KCTD19: variants seen among roughly 807,000 people sequenced by gnomAD.
The protein encoded by KCTD19 is BTB/POZ domain-containing protein KCTD19.
Under a neutral mutation model 103.5 loss-of-function variants are expected in KCTD19, and 67 were observed. That is an observed-to-expected ratio of 0.65 (90% CI 0.53 to 0.79). KCTD19 has a LOEUF of 0.79. Among genes scored for constraint, KCTD19 ranks in the 30% least tolerant of loss-of-function variants. The probability of loss-of-function intolerance (pLI) is 0.00; values close to 1 mark genes in which losing one functional copy is unlikely to be tolerated. For missense variants in KCTD19, 980 were observed against 1,136.1 expected, an observed-to-expected ratio of 0.86 and a Z score of 1.98; for synonymous variants, 439 against 452.2, an observed-to-expected ratio of 0.97 and a Z score of 0.37.
intron 7 of KCTD19, among the ~76,000 whole-genome samples, chr16:67,297,201 G>T (rs991506399): frequency 1.3e-5 from 2 of 152,176 alleles, no homozygotes; most frequent in African/African-American, 4.8e-5. Context: ...GCTCCTCCCT[G>T]CATGGCTGTG....
chr16:67,294,536 G>T, intron 11 of KCTD19, 44 bp downstream of exon 11: 1 of 1,367,080 alleles, frequency 7.3e-7, no homozygotes, highest in Non-Finnish European at 1.0e-6. Flanking sequence ...CCCGGTGGTA[G>T]TGGTTTTTGA....
In KCTD19 at chr16:67,291,695, C is replaced by A. The variant is rs1254811202; in HGVS notation, c.2361G>T (p.Glu787Asp). ...GTGTTGTGTGCCTGAGGTTGTCCAT[C>A]TCCGTGGTATAGATGATGCTGTCCT... is the stretch of plus-strand genomic sequence containing the variant. ...FFEDSIIYTT[E>D]MDNLRHTTPT... The change falls in exon 13 of 16, where the codon GAG (glutamate) becomes GAT (aspartate). Residue 787 changes from glutamate to aspartate, a missense_variant. Transcript: ENST00000304372. 6.2e-7 allele frequency: 1 copy of A among 1,614,038 alleles called. No individual in the cohort carries two copies. Among genetic ancestry groups the A allele is most frequent in the Non-Finnish European group, 8.5e-7 (1 of 1,180,036 alleles).
Position 67,291,705 on chromosome 16 carries a change from T to C in KCTD19, c.2351A>G (p.Tyr784Cys), listed in dbSNP as rs775203670. 6.2e-7 allele frequency: 1 copy of C among 1,614,046 alleles called. No homozygotes were observed. Among genetic ancestry groups the C allele is most frequent in the Non-Finnish European group, 8.5e-7 (1 of 1,180,000 alleles). ...CCTGAGGTTGTCCATCTCCGTGGTA[T>C]AGATGATGCTGTCCTCAAAGAACAT... ...FCMFFEDSIIYTTEMDNLRHT... is the reference protein window; with the variant it reads ...FCMFFEDSIICTTEMDNLRHT... The change falls in exon 13 of 16, where the codon TAT becomes TGT. Residue 784 changes from tyrosine to cysteine, a missense_variant. By Grantham distance (194) the Tyr-to-Cys change is radical. Transcript: ENST00000304372.
Position 67,300,203 on chromosome 16 carries a change from A to G in KCTD19, c.776-630T>C, listed in dbSNP as rs937783884. On this transcript the variant is annotated intron_variant, in intron 5 of 15. Coordinates refer to ENST00000304372, the MANE Select transcript of KCTD19 (RefSeq NM_001100915.3). The surrounding 1 kb of genome is among the most constrained non-coding windows in gnomAD (Gnocchi z 4.5). Reference sequence around the variant, plus strand: ...CACTGCTGGGGGATGTTCGTGGATCATCTCCAATCCTCAGAGCAACCCTGC... The same window carrying G: ...CACTGCTGGGGGATGTTCGTGGATCGTCTCCAATCCTCAGAGCAACCCTGC... 6.6e-6 allele frequency: 1 copy of G among 152,402 alleles called. No individual in the cohort carries two copies. The highest frequency in any genetic ancestry group is 2.4e-5 in the African/African-American group (1 of 41,460). The allele number at this position is 152,402 out of a possible 1,614,324, so 9.4% of individuals were successfully genotyped here.
At chr16:67,308,509 C>T (rs1041634139) in intron 2 of KCTD19, among the ~76,000 whole-genome samples, 1 of 152,036 alleles carries the variant, frequency 6.6e-6, no homozygotes, top group Non-Finnish European at 1.5e-5. Context: ...TTTATGTTTA[C>T]ACCCCATCAT....
chr16:67,314,818 TATATATATATATAGAG>T lies in KCTD19; in HGVS notation c.300+5755_300+5770del, dbSNP rs1327725734. ...TTAGCATTATATATATATATATATATATATATATATATAGAGAGAGAGAGAGAGAGAGAGAGAGAGA... is the reference window on the plus strand; with the variant it reads ...TTAGCATTATATATATATATATATATAGAGAGAGAGAGAGAGAGAGAGAGA... On this transcript the variant is annotated intron_variant, in intron 2 of 15. Transcript: ENST00000304372. Among the ~76,000 whole-genome samples, 136 of 99,142 alleles carry T rather than the reference TATATATATATATAGAG, an allele frequency of 1.4e-3. 1 individual carries two copies. Among genetic ancestry groups the T allele is most frequent in the East Asian group, 3.7e-3 (14 of 3,830 alleles). The allele number at this position is 99,142 out of a possible 152,430, so 65.0% of individuals were successfully genotyped here. A position where few individuals can be genotyped will look rare whatever the true frequency, so the allele number is the denominator to read the frequency against.
In KCTD19 at chr16:67,317,935, T is replaced by C. The variant is rs188022549; in HGVS notation, c.300+2654A>G. Among the ~76,000 whole-genome samples, 11 of 152,252 alleles carry C rather than the reference T, an allele frequency of 7.2e-5. No homozygotes were observed. In the East Asian group the frequency reaches 1.7e-3, roughly 24 times the overall value. On this transcript the variant is annotated intron_variant, in intron 2 of 15. Coordinates refer to ENST00000304372, the MANE Select transcript of KCTD19 (RefSeq NM_001100915.3). ...CAAACTCCAATTTCTCCAAGCAAAG[T>C]GTTTGCTCATTTAGTAAAAAAATCT...
chr16:67,315,698 T>A (rs2037005604), intron 2 of KCTD19, among the ~76,000 whole-genome samples: 2 of 152,082 alleles, frequency 1.3e-5, no homozygotes, highest in Non-Finnish European at 2.9e-5. Flanking sequence ...TCCAGGCTGG[T>A]CTCAAACTCC....
At position 67,293,193 on chromosome 16, in the gene KCTD19, G is replaced by A. The variant is rs1415474411; in HGVS notation, c.2218+351C>T. Among the ~76,000 whole-genome samples, 2 of 152,068 alleles carry A rather than the reference G, an allele frequency of 1.3e-5. No homozygotes were observed. The highest frequency in any genetic ancestry group is 2.9e-5 in the Non-Finnish European group (2 of 68,028). On this transcript the variant is annotated intron_variant, in intron 12 of 15. Coordinates refer to ENST00000304372, the MANE Select transcript of KCTD19 (RefSeq NM_001100915.3). This position sits in a 1 kb window ranked among gnomAD's most constrained non-coding sequence, Gnocchi z 4.0. ...TGTCTTCAGCCTCATCTTTTATCACGTCTGCATGTGAAGCCTGGCCTCCAG... is the reference window on the plus strand; with the variant it reads ...TGTCTTCAGCCTCATCTTTTATCACATCTGCATGTGAAGCCTGGCCTCCAG...
intron 2 of KCTD19, among the ~76,000 whole-genome samples, chr16:67,317,162 C>T (rs1014237254): frequency 3.3e-5 from 5 of 152,126 alleles, no homozygotes; most frequent in Admixed American, 2.0e-4. Flanking sequence ...CCACTAGCCA[C>T]GTATGGTTAT....
At position 67,303,309 on chromosome 16, in the gene KCTD19, G is replaced by A; in HGVS notation, c.480C>T (p.Leu160=). The A allele has an allele frequency of 1.2e-6, 2 of 1,613,708 alleles. No individual in the cohort carries two copies. The highest frequency in any genetic ancestry group is 1.7e-6 in the Non-Finnish European group (2 of 1,179,808). ...TGLHDKAPLG[L]MDTPLLDTEE... is the part of the protein sequence containing the mutation. ...CTGTGTCTAACAGGGGTGTGTCCAT[G>A]AGCCCCAGAGGTGCCTTATCATGTA... Residue 160 remains leucine (L), a synonymous_variant, in exon 4 of 16, where the codon CTC becomes CTT. Coordinates refer to ENST00000304372, the MANE Select transcript of KCTD19 (RefSeq NM_001100915.3). This position sits in a 1 kb window ranked among gnomAD's most constrained non-coding sequence, Gnocchi z 4.3.
At position 67,297,672 on chromosome 16, in the gene KCTD19, A is replaced by G. The variant is rs1473578715; in HGVS notation, c.987-9T>C. The G allele has an allele frequency of 1.9e-6, 3 of 1,613,004 alleles. No individual in the cohort carries two copies. Among genetic ancestry groups the G allele is most frequent in the Non-Finnish European group, 1.7e-6 (2 of 1,179,806 alleles). On this transcript the variant is annotated splice_polypyrimidine_tract_variant and intron_variant, in intron 6 of 15. Coordinates refer to ENST00000304372, the MANE Select transcript of KCTD19 (RefSeq NM_001100915.3). ...AAGTCCCCAGCCAGTTCCTGCCCAG[A>G]GGAAAGGTCTGTCATGAAGAACATC...
chr16:67,298,929 T>TG (rs2036800339), intron 6 of KCTD19, among the ~76,000 whole-genome samples: 1 of 152,220 alleles, frequency 6.6e-6, no homozygotes, highest in African/African-American at 2.4e-5. Context: ...TGGCCTGGCC[T>TG]GCCCTGCCCT....
chr16:67,294,789 T>C, intron 10 of KCTD19, 95 bp from the exon 11 acceptor site: 2 of 1,029,278 alleles, frequency 1.9e-6, no homozygotes, highest in Non-Finnish European at 1.5e-6. Flanking sequence ...GAGTTAATGC[T>C]AGACAGCAGG....
chr16:67,294,485 T>C, intron 11 of KCTD19, 95 bp downstream of exon 11: 3 of 858,698 alleles, frequency 3.5e-6, no homozygotes, highest in Non-Finnish European at 5.8e-6. Flanking sequence ...TTCATTTTGC[T>C]GCACCCACCA....
At chr16:67,290,467 C>T (rs1030581807) in intron 15 of KCTD19, among the ~76,000 whole-genome samples, 3 of 152,080 alleles carry the variant, frequency 2.0e-5, no homozygotes, top group African/African-American at 7.2e-5. Context: ...CGTGAGCCAC[C>T]GCGCCCGGCC....
At chr16:67,316,851 G>A (rs1425389923) in intron 2 of KCTD19, among the ~76,000 whole-genome samples, 2 of 150,838 alleles carry the variant, frequency 1.3e-5, no homozygotes, top group African/African-American at 2.4e-5. Context: ...GGCAGGTGGA[G>A]TTGGGGGATT....
At position 67,289,748 on chromosome 16, in the gene KCTD19, T is replaced by G; in HGVS notation, c.2668-66A>C. 2.4e-6 allele frequency: 3 copies of G among 1,240,486 alleles called. No homozygotes were observed. The South Asian group carries it at 3.7e-5, about 15-fold the overall frequency. 76.8% of individuals were successfully genotyped at this position (1,240,486 alleles called of 1,614,324 possible). On this transcript the variant is annotated intron_variant, in intron 15 of 15. Coordinates refer to ENST00000304372, the MANE Select transcript of KCTD19 (RefSeq NM_001100915.3). ...GTTGTCTACTCTAGCTCCATGTGGGTGGGGTTCTCCCATTGGGGCAGGGAC... is the reference window on the plus strand; with the variant it reads ...GTTGTCTACTCTAGCTCCATGTGGGGGGGGTTCTCCCATTGGGGCAGGGAC...
intron 2 of KCTD19, among the ~76,000 whole-genome samples, chr16:67,314,147 G>A (rs1050287119): frequency 1.3e-5 from 2 of 151,072 alleles, no homozygotes; most frequent in East Asian, 1.9e-4. Flanking sequence ...GTGAGCCACC[G>A]TGCCCAGCCC....
Sources: allele counts gnomAD v4.1 joint callset (sites outside exome capture counted in the v4.1 genomes callset), GRCh38; gene constraint gnomAD v4.1.1; non-coding constraint Gnocchi (gnomAD v3.1); transcripts MANE v1.5; gene names NCBI Gene and HGNC (gene_info 2026-07-23, HGNC 2026-07-21).